Variants in ARID1B observed in about 807,000 individuals in gnomAD.
ARID1B encodes AT-rich interaction domain 1B.
A neutral mutation model predicts 212.3 loss-of-function variants in ARID1B; 30 were observed. That is an observed-to-expected ratio of 0.14 (90% CI 0.11 to 0.19). The LOEUF is 0.19. Among genes scored for constraint, ARID1B ranks in the 10% least tolerant of loss-of-function variants. The pLI, the probability that ARID1B is intolerant of heterozygous loss-of-function variation, is 1.00. For missense variants in ARID1B, 2,891 were observed against 3,204.0 expected (o/e 0.90, Z 2.36); for synonymous variants, 1,402 against 1,301.7 (o/e 1.08, Z -1.66).
chr6:156,913,274 T>C (rs1288922161), intron 3 of ARID1B, among the ~76,000 whole-genome samples: 6 of 149,902 alleles, frequency 4.0e-5, no homozygotes, highest in African/African-American at 1.5e-4. Context: ...TGGAGTGCAG[T>C]GGCGCGATCT....
chr6:156,883,369 C>G (rs1457727598), intron 2 of ARID1B, among the ~76,000 whole-genome samples: 1 of 152,158 alleles, frequency 6.6e-6, no homozygotes, highest in African/African-American at 2.4e-5. Flanking sequence ...GATCTGAGAG[C>G]TCCCACAGTT....
At chr6:157,107,613 G>A (rs1786589569) in intron 5 of ARID1B, 1 of 152,066 alleles carries the variant, frequency 6.6e-6, no homozygotes, top group South Asian at 2.1e-4. Flanking sequence ...GTGCAATGAT[G>A]GAACTTACTC....
intron 1 of ARID1B, among the ~76,000 whole-genome samples, chr6:156,827,659 G>C (rs1221972689): frequency 2.0e-5 from 3 of 151,398 alleles, no homozygotes; most frequent in African/African-American, 7.3e-5. Context: ...CATCTCCCTT[G>C]ACCCAGTGCC....
At chr6:156,798,031 T>G (rs1780515427) in intron 1 of ARID1B, among the ~76,000 whole-genome samples, 1 of 152,170 alleles carries the variant, frequency 6.6e-6, no homozygotes. Context: ...ACTGGTGACC[T>G]TCAGAGGAGT....
intron 8 of ARID1B, among the ~76,000 whole-genome samples, chr6:157,160,543 A>G (rs1790860744): frequency 6.6e-6 from 1 of 152,148 alleles, no homozygotes; most frequent in South Asian, 2.1e-4. Flanking sequence ...GGTCAGCCCC[A>G]CATTCGTTCT....
intron 8 of ARID1B, among the ~76,000 whole-genome samples, chr6:157,156,342 T>C (rs1025746028): frequency 6.6e-6 from 1 of 152,238 alleles, no homozygotes; most frequent in Non-Finnish European, 1.5e-5. Context: ...TGCATTATCA[T>C]CTAAATACTA....
In ARID1B at chr6:156,789,377, G is replaced by A. The variant is rs188987850; in HGVS notation, c.1791+9906G>A. Among the ~76,000 whole-genome samples, 44 of 152,250 alleles carry A rather than the reference G, an allele frequency of 2.9e-4. 1 individual carries two copies. The East Asian group carries it at 8.3e-3, about 29-fold the overall frequency. On this transcript the variant is annotated intron_variant, in intron 1 of 19. Coordinates refer to ENST00000636930, the MANE Select transcript of ARID1B (RefSeq NM_001374828.1). ...GTCAGGGCTTTGGAACTATAGATTC[G>A]TGTCATCACAGCAATAATGTGGGCA...
At chr6:156,840,337 TGTTTTC>T (rs1158108783) in intron 2 of ARID1B, among the ~76,000 whole-genome samples, 1 of 152,258 alleles carries the variant, frequency 6.6e-6, no homozygotes, top group Non-Finnish European at 1.5e-5. Context: ...TGCCCTGTTC[TGTTTTC>T]TCCAGCTCTC....
rs1322306509 is a variant in ARID1B, at chr6:157,206,380, G to T, written c.5608G>T (p.Asp1870Tyr). The T allele has an allele frequency of 6.2e-7, 1 of 1,614,174 alleles. No homozygotes were observed. Among genetic ancestry groups the T allele is most frequent in the East Asian group, 2.2e-5 (1 of 44,878 alleles). ...CIDDDEEDEE[D>Y]EEEDSEKTES... ...TGATGACGACGAGGAAGACGAGGAG[G>T]ATGAGGAGGAAGACAGCGAGAAGAC... The change falls in exon 20 of 20, where the codon GAT (aspartate) becomes TAT (tyrosine). Residue 1870 changes from aspartate (D) to tyrosine (Y), a missense_variant. This residue lies in a region of ARID1B where 332 missense variants were observed against 369.2 expected (regional missense o/e 0.90). Coordinates refer to ENST00000636930, the MANE Select transcript of ARID1B (RefSeq NM_001374828.1). This position sits in a 1 kb window ranked among gnomAD's most constrained non-coding sequence, Gnocchi z 6.8.
intron 4 of ARID1B, among the ~76,000 whole-genome samples, chr6:156,945,795 C>T (rs1793076900): frequency 6.6e-6 from 1 of 152,116 alleles, no homozygotes; most frequent in African/African-American, 2.4e-5. Context: ...ATTTCTTGAG[C>T]CTAGGAGCTT....
intron 1 of ARID1B, among the ~76,000 whole-genome samples, chr6:156,781,181 TAAC>T (rs764221645): frequency 3.9e-5 from 6 of 152,136 alleles, no homozygotes; most frequent in Non-Finnish European, 7.4e-5. Context: ...TTTGTGCAGA[TAAC>T]AATAATTAAA....
intron 1 of ARID1B, among the ~76,000 whole-genome samples, chr6:156,823,282 G>A (rs1262548269): frequency 6.6e-6 from 1 of 152,160 alleles, no homozygotes; most frequent in Non-Finnish European, 1.5e-5. Context: ...TGACCTCTGA[G>A]AGCCTTTATA....
chr6:157,105,636 C>G lies in ARID1B; in HGVS notation c.2492-4836C>G, dbSNP rs140979709. On this transcript the variant is annotated intron_variant, in intron 5 of 19. Coordinates refer to ENST00000636930, the MANE Select transcript of ARID1B (RefSeq NM_001374828.1). ...ATTTTTTTTGAGATGGAGTCTTGCT[C>G]TGTCGCCCAGGCTGGAGTGCAGTGG... Among the ~76,000 whole-genome samples, 1,219 of 152,230 alleles carry G rather than the reference C, an allele frequency of 8.0e-3. 14 individuals carry two copies. Among genetic ancestry groups the G allele is most frequent in the African/African-American group, 0.027 (1,135 of 41,524 alleles).
intron 4 of ARID1B, among the ~76,000 whole-genome samples, chr6:157,037,512 G>C (rs546051588): frequency 6.6e-6 from 1 of 152,180 alleles, no homozygotes; most frequent in Non-Finnish European, 1.5e-5. Context: ...AGGCAAGAAA[G>C]GAGGGCAGGA....
At chr6:157,140,442 C>T (rs886189463) in intron 7 of ARID1B, among the ~76,000 whole-genome samples, 1 of 152,318 alleles carries the variant, frequency 6.6e-6, no homozygotes, top group South Asian at 2.1e-4. Context: ...TACACTCCAG[C>T]CTGGGCGACA....
rs1554228777 is a variant in ARID1B at position 157,167,048 on chromosome 6, G to T, written c.3098G>T (p.Ser1033Ile). Reference sequence around the variant, plus strand: ...GCTTTCTCTTCCTGTAGGCAAGGCAGTTTCCCCGGCATGAACCAGAGTGGA... The same window carrying T: ...GCTTTCTCTTCCTGTAGGCAAGGCATTTTCCCCGGCATGAACCAGAGTGGA... Reference protein sequence around the residue: ...AANSAQSRQGSFPGMNQSGLM... With the variant: ...AANSAQSRQGIFPGMNQSGLM... Residue 1033 changes from serine to isoleucine, a missense_variant, in exon 9 of 20, where the codon AGT (serine) becomes ATT (isoleucine). Transcript: ENST00000636930. 6.2e-7 allele frequency: 1 copy of T among 1,611,456 alleles called. No homozygotes were observed. Among genetic ancestry groups the T allele is most frequent in the Non-Finnish European group, 8.5e-7 (1 of 1,179,986 alleles).
chr6:156,988,038 G>T (rs4410738), intron 4 of ARID1B, among the ~76,000 whole-genome samples: 39,589 of 152,048 alleles, frequency 0.26, 5,586 homozygotes, highest in Non-Finnish European at 0.31. Context: ...TTTCATTCTA[G>T]ATGCTTACTG....
At chr6:156,823,940 G>A (rs913159921) in intron 1 of ARID1B, among the ~76,000 whole-genome samples, 1 of 152,076 alleles carries the variant, frequency 6.6e-6, no homozygotes, top group Non-Finnish European at 1.5e-5. Context: ...AAGTATATAA[G>A]CAAGTTGTCC....
intron 6 of ARID1B, among the ~76,000 whole-genome samples, chr6:157,124,226 A>G (rs1787979401): frequency 6.6e-6 from 1 of 152,256 alleles, no homozygotes; most frequent in Non-Finnish European, 1.5e-5. Context: ...GTAAGAGCAA[A>G]TGGGTCTGAA....
Sources: allele counts gnomAD v4.1 joint callset (sites outside exome capture counted in the v4.1 genomes callset), GRCh38; gene constraint gnomAD v4.1.1; regional missense constraint gnomAD v4.1.1; non-coding constraint Gnocchi (gnomAD v3.1); transcripts MANE v1.5; gene names NCBI Gene and HGNC (gene_info 2026-07-23, HGNC 2026-07-21).